The following HK1 variants were observed in gnomAD, a reference collection of about 807,000 sequenced individuals.
HK1 encodes the protein hexokinase-1.
A neutral mutation model predicts 91.6 loss-of-function variants in HK1; 28 were observed. That is an observed-to-expected ratio of 0.31 (90% confidence interval 0.23 to 0.42). HK1 has a LOEUF of 0.42. Among genes scored for constraint, HK1 ranks in the 10% least tolerant of loss-of-function variants. The pLI, the probability that HK1 is intolerant of heterozygous loss-of-function variation, is 1.00. For synonymous variants in HK1, 430 were observed against 468.1 expected, an observed-to-expected ratio of 0.92 and a Z score of 1.05; for missense variants, 770 against 1,219.8, an observed-to-expected ratio of 0.63 and a Z score of 5.49.
chr10:69,322,785 G>A (rs1847114783), intron 1 of HK1, among the ~76,000 whole-genome samples: 1 of 151,994 alleles, frequency 6.6e-6, no homozygotes, highest in Non-Finnish European at 1.5e-5. Context: ...AGCTACTTGG[G>A]AGGCTGAGGC....
At chr10:69,326,210 A>G (rs978613739) in intron 1 of HK1, among the ~76,000 whole-genome samples, 1 of 151,252 alleles carries the variant, frequency 6.6e-6, no homozygotes, top group East Asian at 1.9e-4. Flanking sequence ...GGTATGAATT[A>G]TATATATATG....
rs1234048030 is a variant in HK1, at chr10:69,343,970, G to A, written c.207G>A (p.Arg69=). 3 of 1,614,070 alleles carry A rather than the reference G, an allele frequency of 1.9e-6. No individual in the cohort carries two copies. Among genetic ancestry groups the A allele is most frequent in the African/African-American group, 1.3e-5 (1 of 74,930 alleles). Residue 69 remains arginine (R), a synonymous_variant, in exon 2 of 18, where the codon AGG becomes AGA. Transcript: ENST00000359426. ...ATVKMLPTFV[R]SIPDGSEKGD... ...TCAAGATGTTGCCAACATTCGTAAG[G>A]TCCATTCCTGATGGCTCTGGTAAGT...
intron 1 of HK1, among the ~76,000 whole-genome samples, chr10:69,337,648 A>G (rs1848057764): frequency 1.3e-5 from 2 of 152,216 alleles, no homozygotes; most frequent in African/African-American, 4.8e-5. Context: ...CTAAGCTAAC[A>G]TCTTTCTTAA....
intron 1 of HK1, among the ~76,000 whole-genome samples, chr10:69,272,656 T>G (rs1348163516): frequency 7.9e-3 from 1 of 126 alleles, no homozygotes; most frequent in Non-Finnish European, 0.031. Context: ...TTCTGCAAGT[T>G]TTTTTTTTTT....
chr10:69,337,627 T>G (rs1848056442), intron 1 of HK1, among the ~76,000 whole-genome samples: 1 of 152,214 alleles, frequency 6.6e-6, no homozygotes, highest in Non-Finnish European at 1.5e-5. Context: ...TGTTGAAATC[T>G]CTGTCCTCCC....
intron 7 of HK1, among the ~76,000 whole-genome samples, chr10:69,373,734 G>T (rs1850140526): frequency 1.3e-5 from 2 of 151,950 alleles, no homozygotes; most frequent in South Asian, 4.2e-4. Flanking sequence ...GGGACCACAG[G>T]CAGCAGTACC....
chr10:69,384,310 C>G, intron 10 of HK1, 23 bp from the exon 11 acceptor site: 2 of 1,614,232 alleles, frequency 1.2e-6, no homozygotes, highest in African/African-American at 1.3e-5. Context: ...TTTTGACATT[C>G]TTTACGCTTT....
rs183086095 is a variant in HK1 at position 69,336,942 on chromosome 10, G to C, written c.64-6885G>C. 2.6e-5 allele frequency among the ~76,000 whole-genome samples: 4 copies of C among 152,228 alleles called. No homozygotes were observed. In the East Asian group the frequency reaches 7.7e-4, roughly 29 times the overall value. On this transcript the variant is annotated intron_variant, in intron 1 of 17. Transcript: ENST00000359426. The stretch of plus-strand genomic sequence containing the variant: ...TTACAAGCGTGAGCCACCGTGCCTG[G>C]CCGGTAGATGTATTTTTCAGGCATT...
rs916739245 is a variant in HK1 at position 69,379,203 on chromosome 10, T to G, written c.1032-659T>G. 3.9e-5 allele frequency among the ~76,000 whole-genome samples: 6 copies of G among 152,240 alleles called. No homozygotes were observed. In the South Asian group the frequency reaches 6.2e-4, roughly 16 times the overall value. ...GATGTCTGGAGATAAGATACAGAAG[T>G]CAACTGTATTTCTATCAGCAATAAT... On this transcript the variant is annotated intron_variant, in intron 8 of 17. Transcript: ENST00000359426.
intron 3 of HK1, among the ~76,000 whole-genome samples, chr10:69,293,076 C>A (rs1845371187): frequency 6.6e-6 from 1 of 152,224 alleles, no homozygotes; most frequent in African/African-American, 2.4e-5. Flanking sequence ...TGGCTACACT[C>A]CCAACACTCA....
intron 1 of HK1, among the ~76,000 whole-genome samples, chr10:69,323,043 C>T (rs959100344): frequency 2.0e-5 from 3 of 151,954 alleles, no homozygotes; most frequent in African/African-American, 7.3e-5. Context: ...GTCAGGAGTT[C>T]AAGACCAGCC....
chr10:69,327,000 C>CTTTTTT (rs1042738695), intron 1 of HK1, among the ~76,000 whole-genome samples: 24 of 110,910 alleles, frequency 2.2e-4, no homozygotes, highest in East Asian at 7.8e-4. Flanking sequence ...TGGTTTTAAA[C>CTTTTTT]TTTTTTTTTT....
chr10:69,360,619 G>A (rs961907142), intron 3 of HK1, among the ~76,000 whole-genome samples: 1 of 152,196 alleles, frequency 6.6e-6, no homozygotes, highest in Non-Finnish European at 1.5e-5. Flanking sequence ...TTACACTCCT[G>A]TTGGGGCTCC....
chr10:69,351,211 AT>A (rs1564533342), intron 2 of HK1, among the ~76,000 whole-genome samples: 2 of 122,342 alleles, frequency 1.6e-5, no homozygotes, highest in Non-Finnish European at 3.3e-5. Context: ...AAATAAATAA[AT>A]AAAACCAAAG....
At chr10:69,378,380 G>A (rs780425933) in intron 8 of HK1, among the ~76,000 whole-genome samples, 3 of 151,904 alleles carry the variant, frequency 2.0e-5, no homozygotes, top group Non-Finnish European at 4.4e-5. Context: ...TCAGGAGCGA[G>A]ACAGTATCAC....
intron 1 of HK1, among the ~76,000 whole-genome samples, chr10:69,331,878 C>CA (rs970111255): frequency 8.6e-4 from 117 of 136,794 alleles, no homozygotes; most frequent in African/African-American, 2.4e-3. Flanking sequence ...GACCTTGTCT[C>CA]AAAAAAAAAA....
chr10:69,300,533 CA>C, intron 4 of HK1: 1 of 701,814 alleles, frequency 1.4e-6, no homozygotes, highest in Non-Finnish European at 2.5e-6. Context: ...TCAAACTGGC[CA>C]GATGGAAGCA....
chr10:69,347,612 T>C (rs764266187), intron 2 of HK1, among the ~76,000 whole-genome samples: 1 of 151,912 alleles, frequency 6.6e-6, no homozygotes, highest in Non-Finnish European at 1.5e-5. Flanking sequence ...ATTTTTGTAT[T>C]TTTAGTAGAG....
At chr10:69,301,176 T>C (rs1419195257) in intron 5 of HK1, among the ~76,000 whole-genome samples, 3 of 137,048 alleles carry the variant, frequency 2.2e-5, no homozygotes, top group South Asian at 2.3e-4. Flanking sequence ...ACCTGGGAGA[T>C]GGAGGTTGCA....
Sources: gnomAD v4.1 joint callset for allele counts (sites outside exome capture counted in the v4.1 genomes callset) on GRCh38, gnomAD v4.1.1 for gene constraint, MANE v1.5 for transcripts, NCBI Gene and HGNC (gene_info 2026-07-23, HGNC 2026-07-21) for gene names.